ZDHHC18: variants seen among roughly 807,000 people sequenced by gnomAD.
ZDHHC18 encodes the protein zDHHC palmitoyltransferase 18, also known as palmitoyltransferase ZDHHC18.
Under a neutral mutation model 37.5 loss-of-function variants are expected in ZDHHC18, and 23 were observed. That is an observed-to-expected ratio of 0.61 (90% confidence interval 0.44 to 0.87). The LOEUF is 0.87. Ranked by LOEUF, ZDHHC18 falls within the 40% of genes least tolerant of loss-of-function variation. The pLI, the probability that ZDHHC18 is intolerant of heterozygous loss-of-function variation, is 0.00. For synonymous variants in ZDHHC18, 185 were observed against 218.7 expected (o/e 0.85, Z 1.36); for missense variants, 406 against 525.6 (o/e 0.77, Z 2.22).
chr1:26,852,994 T>C, intron 7 of ZDHHC18, 129 bp downstream of exon 7: 9 of 701,120 alleles, frequency 1.3e-5, no homozygotes, highest in East Asian at 2.8e-5. Flanking sequence ...TGGAGGGCAT[T>C]TGTCATGTGA....
intron 1 of ZDHHC18, among the ~76,000 whole-genome samples, chr1:26,828,809 G>A (rs999945171): frequency 6.6e-6 from 1 of 151,398 alleles, no homozygotes; most frequent in Non-Finnish European, 1.5e-5. Context: ...ACTTCCCTGG[G>A]CTGGCCACAT....
Position 26,856,338 on chromosome 1 carries a change from G to A in ZDHHC18, c.*2495G>A, listed in dbSNP as rs1288415179. The A allele has an allele frequency of 1.0e-5, 4 of 389,118 alleles. No individual in the cohort carries two copies. Among genetic ancestry groups the A allele is most frequent in the Admixed American group, 2.5e-5 (1 of 40,464 alleles). The allele number at this position is 389,118 out of a possible 1,614,324, so 24.1% of individuals were successfully genotyped here. On this transcript the variant is annotated 3_prime_UTR_variant, in exon 8 of 8. Coordinates refer to ENST00000374142, the MANE Select transcript of ZDHHC18 (RefSeq NM_032283.3). This position sits in a 1 kb window ranked among gnomAD's most constrained non-coding sequence, Gnocchi z 5.2. Reference sequence around the variant, plus strand: ...CCATCTCATCCTCATCGCATGCCTCGCCAACCCCATGGAGCCCGTCCATCT... The same window carrying A: ...CCATCTCATCCTCATCGCATGCCTCACCAACCCCATGGAGCCCGTCCATCT...
At chr1:26,841,790 TCAC>T (rs1214659042) in intron 2 of ZDHHC18, among the ~76,000 whole-genome samples, 1 of 152,106 alleles carries the variant, frequency 6.6e-6, no homozygotes, top group Non-Finnish European at 1.5e-5. Flanking sequence ...CATTCAGCCC[TCAC>T]CACAATCCTA....
intron 7 of ZDHHC18, chr1:26,853,119 G>C (rs1369593562): frequency 7.6e-6 from 3 of 392,592 alleles, no homozygotes; most frequent in African/African-American, 4.1e-5. Context: ...TACTCCCCGG[G>C]GGTAGCCACC....
chr1:26,833,742 G>C (rs1405240075), intron 2 of ZDHHC18, among the ~76,000 whole-genome samples: 1 of 152,082 alleles, frequency 6.6e-6, no homozygotes, highest in Non-Finnish European at 1.5e-5. Flanking sequence ...TCCGTGGTTA[G>C]CTCCTTCCCC....
At chr1:26,853,070 A>C in intron 7 of ZDHHC18, 1 of 525,064 alleles carries the variant, frequency 1.9e-6, no homozygotes. Context: ...TTAAGTACAA[A>C]ACGTAAAACA....
At chr1:26,835,911 C>T (rs764651544) in intron 2 of ZDHHC18, among the ~76,000 whole-genome samples, 3 of 152,120 alleles carry the variant, frequency 2.0e-5, no homozygotes, top group Non-Finnish European at 4.4e-5. Context: ...AGGTCTGGCC[C>T]AGGGCTCCTG....
intron 2 of ZDHHC18, among the ~76,000 whole-genome samples, chr1:26,839,320 TGAGGGCAGGGATAGCATCACTTAC>T (rs549586972): frequency 1.1e-4 from 16 of 152,212 alleles, no homozygotes; most frequent in South Asian, 2.1e-4. Flanking sequence ...TTAGATTCCC[TGAGGGCAGGGATAGCATCACTTAC>T]CATCACTCCC....
chr1:26,852,981 C>G lies in ZDHHC18; in HGVS notation c.1049+116C>G, dbSNP rs182736156. 1.8e-5 allele frequency: 14 copies of G among 774,362 alleles called. No individual in the cohort carries two copies. The East Asian group carries it at 3.8e-4, about 21-fold the overall frequency. 48.0% of individuals were successfully genotyped at this position (774,362 alleles called of 1,614,324 possible). ...CCCTAGATGCCCTCCGTCCACTACCCCCTGGAGGGCATTTGTCATGTGACG... is the reference window on the plus strand; with the variant it reads ...CCCTAGATGCCCTCCGTCCACTACCGCCTGGAGGGCATTTGTCATGTGACG... On this transcript the variant is annotated intron_variant, in intron 7 of 7. Transcript: ENST00000374142.
intron 2 of ZDHHC18, among the ~76,000 whole-genome samples, chr1:26,834,108 C>T (rs929591968): frequency 1.3e-5 from 2 of 152,170 alleles, no homozygotes; most frequent in Non-Finnish European, 2.9e-5. Flanking sequence ...CCAGCTGTGC[C>T]CCGTTCTTCC....
At chr1:26,846,935 G>T (rs536222569) in intron 2 of ZDHHC18, among the ~76,000 whole-genome samples, 1 of 148,668 alleles carries the variant, frequency 6.7e-6, no homozygotes, top group Non-Finnish European at 1.5e-5. Context: ...TCCCACCGTC[G>T]CCCAGGCTGG....
chr1:26,847,068 T>C (rs1490481378), intron 2 of ZDHHC18, among the ~76,000 whole-genome samples: 1 of 151,350 alleles, frequency 6.6e-6, no homozygotes, highest in Non-Finnish European at 1.5e-5. Context: ...GTTAATTTTT[T>C]GTATTTTTAG....
At chr1:26,829,272 C>T (rs772611584) in intron 1 of ZDHHC18, among the ~76,000 whole-genome samples, 2 of 152,122 alleles carry the variant, frequency 1.3e-5, no homozygotes, top group African/African-American at 2.4e-5. Flanking sequence ...TTGCACAGGC[C>T]TCCAGCAGGG....
At chr1:26,838,291 G>A (rs2081622747) in intron 2 of ZDHHC18, among the ~76,000 whole-genome samples, 1 of 152,094 alleles carries the variant, frequency 6.6e-6, no homozygotes, top group South Asian at 2.1e-4. Flanking sequence ...CACTGTGCCT[G>A]GCCCCTTGCT....
chr1:26,827,986 T>G (rs1295993227), intron 1 of ZDHHC18, among the ~76,000 whole-genome samples: 1 of 151,974 alleles, frequency 6.6e-6, no homozygotes, highest in African/African-American at 2.4e-5. Flanking sequence ...TGCGGTGCCT[T>G]GTTGTTTTTC....
intron 1 of ZDHHC18, 78 bp from the exon 2 acceptor site, chr1:26,832,369 C>T (rs1017732223): frequency 3.0e-5 from 47 of 1,554,208 alleles, no homozygotes; most frequent in South Asian, 2.6e-4. Flanking sequence ...GGAATGACAG[C>T]GCCTGCCACG....
intron 2 of ZDHHC18, among the ~76,000 whole-genome samples, chr1:26,847,939 C>T (rs2081680550): frequency 6.6e-6 from 1 of 152,204 alleles, no homozygotes; most frequent in African/African-American, 2.4e-5. Context: ...ACTTTTTCCT[C>T]ATTGTGTTAC....
chr1:26,849,790 G>T (rs2081692603), intron 3 of ZDHHC18, among the ~76,000 whole-genome samples: 1 of 152,238 alleles, frequency 6.6e-6, no homozygotes, highest in African/African-American at 2.4e-5. Flanking sequence ...TTAGCATGTG[G>T]TTGGGATGGT....
chr1:26,838,452 C>T (rs1031522888), intron 2 of ZDHHC18, among the ~76,000 whole-genome samples: 2 of 152,200 alleles, frequency 1.3e-5, no homozygotes, highest in Non-Finnish European at 2.9e-5. Context: ...CTGTTGCTTT[C>T]TTGAATGCTG....
Sources: allele counts gnomAD v4.1 joint callset (sites outside exome capture counted in the v4.1 genomes callset), GRCh38; gene constraint gnomAD v4.1.1; non-coding constraint Gnocchi (gnomAD v3.1); transcripts MANE v1.5; gene names NCBI Gene and HGNC (gene_info 2026-07-23, HGNC 2026-07-21).